The following LRFN5 variants were observed in gnomAD, a reference collection of about 807,000 sequenced individuals.
LRFN5 encodes the protein leucine-rich repeat and fibronectin type-III domain-containing protein 5.
A neutral mutation model predicts 45.6 loss-of-function variants in LRFN5; 24 were observed. The observed-to-expected ratio is 0.53, with a 90% confidence interval of 0.38 to 0.74. The LOEUF is 0.74. Ranked by LOEUF, LRFN5 falls within the 30% of genes least tolerant of loss-of-function variation. The pLI is 0.00. For missense variants in LRFN5, 776 were observed against 861.5 expected (o/e 0.90, Z 1.24); for synonymous variants, 340 against 313.8 (o/e 1.08, Z -0.88).
chr14:41,704,448 C>CTCTCTCTG (rs200253065), intron 1 of LRFN5, among the ~76,000 whole-genome samples: 1 of 124,240 alleles, frequency 8.0e-6, no homozygotes, highest in African/African-American at 3.9e-5. Context: ...CTCTCTCTCT[C>CTCTCTCTG]TGTGTGTGTG....
At chr14:41,775,345 T>C (rs1886250202) in intron 2 of LRFN5, among the ~76,000 whole-genome samples, 2 of 152,070 alleles carry the variant, frequency 1.3e-5, no homozygotes, top group South Asian at 2.1e-4. Context: ...CACCTCCGCC[T>C]TCCAAAGTGC....
chr14:41,636,576 G>T (rs1847345547), intron 1 of LRFN5, among the ~76,000 whole-genome samples: 1 of 151,576 alleles, frequency 6.6e-6, no homozygotes, highest in South Asian at 2.1e-4. Context: ...TAACAAACCT[G>T]CAGGTTGCGC....
chr14:41,684,579 G>A (rs1028867823), intron 1 of LRFN5, among the ~76,000 whole-genome samples: 2 of 152,054 alleles, frequency 1.3e-5, no homozygotes, highest in African/African-American at 4.8e-5. Context: ...TAACATGTGG[G>A]GATTATGGGG....
At chr14:41,836,134 G>A (rs530535115) in intron 2 of LRFN5, among the ~76,000 whole-genome samples, 28 of 152,254 alleles carry the variant, frequency 1.8e-4, no homozygotes, top group South Asian at 1.4e-3. Flanking sequence ...TTGGGGGAAA[G>A]AGGAATAGTG....
At chr14:41,629,700 C>G (rs983424245) in intron 1 of LRFN5, among the ~76,000 whole-genome samples, 2 of 152,156 alleles carry the variant, frequency 1.3e-5, no homozygotes, top group Non-Finnish European at 2.9e-5. Flanking sequence ...TTTCCAAAAT[C>G]TCCTTTGGAA....
At chr14:41,677,854 T>C (rs948976024) in intron 1 of LRFN5, among the ~76,000 whole-genome samples, 2 of 152,076 alleles carry the variant, frequency 1.3e-5, no homozygotes, top group Non-Finnish European at 2.9e-5. Flanking sequence ...CACATTTGAT[T>C]TTTAAAAAAT....
chr14:41,899,193 A>G (rs907612539), intron 5 of LRFN5, among the ~76,000 whole-genome samples: 6 of 152,108 alleles, frequency 3.9e-5, no homozygotes. Flanking sequence ...TTGTCCTGTA[A>G]GAAATGAAGT....
At chr14:41,748,751 A>G (rs1282456305) in intron 1 of LRFN5, among the ~76,000 whole-genome samples, 3 of 152,108 alleles carry the variant, frequency 2.0e-5, no homozygotes, top group African/African-American at 4.8e-5. Flanking sequence ...CCAGATGCGT[A>G]TGGGCTTTTA....
At chr14:41,734,796 A>G (rs1177294807) in intron 1 of LRFN5, among the ~76,000 whole-genome samples, 1 of 151,232 alleles carries the variant, frequency 6.6e-6, no homozygotes, top group Non-Finnish European at 1.5e-5. Flanking sequence ...GCTTTGAATT[A>G]TTTCATTTAT....
intron 1 of LRFN5, among the ~76,000 whole-genome samples, chr14:41,663,708 G>A (rs987729769): frequency 6.6e-6 from 1 of 151,908 alleles, no homozygotes; most frequent in Non-Finnish European, 1.5e-5. Context: ...CGATAACCTA[G>A]TGATGATTTG....
intron 1 of LRFN5, among the ~76,000 whole-genome samples, chr14:41,726,733 A>G (rs1883952304): frequency 6.6e-6 from 1 of 152,156 alleles, no homozygotes; most frequent in Admixed American, 6.6e-5. Flanking sequence ...ATTATTCATT[A>G]TAGTTAAACT....
intron 2 of LRFN5, among the ~76,000 whole-genome samples, chr14:41,776,624 A>C (rs905414055): frequency 2.6e-5 from 4 of 152,092 alleles, no homozygotes; most frequent in Non-Finnish European, 4.4e-5. Flanking sequence ...CCTTTTTACA[A>C]AGAGGAATTT....
At chr14:41,751,126 G>T (rs1163770125) in intron 1 of LRFN5, among the ~76,000 whole-genome samples, 1 of 152,056 alleles carries the variant, frequency 6.6e-6, no homozygotes, top group Non-Finnish European at 1.5e-5. Context: ...GAAGAGCACA[G>T]GGGAAACTGC....
At chr14:41,739,480 C>A (rs867639131) in intron 1 of LRFN5, among the ~76,000 whole-genome samples, 11 of 148,060 alleles carry the variant, frequency 7.4e-5, no homozygotes, top group Admixed American at 5.5e-4. Flanking sequence ...ACACATAGGA[C>A]AAAGGATAAA....
At chr14:41,775,163 T>C (rs1886240092) in intron 2 of LRFN5, among the ~76,000 whole-genome samples, 1 of 145,388 alleles carries the variant, frequency 6.9e-6, no homozygotes, top group South Asian at 2.2e-4. Context: ...CGATCTCGGC[T>C]CAATGCAAGC....
chr14:41,706,146 G>A (rs1198263118), intron 1 of LRFN5, among the ~76,000 whole-genome samples: 1 of 151,888 alleles, frequency 6.6e-6, no homozygotes, highest in Non-Finnish European at 1.5e-5. Context: ...TGTTGCCCAG[G>A]CTGGAGTGCA....
chr14:41,629,958 CCTT>C (rs1248264619), intron 1 of LRFN5, among the ~76,000 whole-genome samples: 2 of 151,974 alleles, frequency 1.3e-5, no homozygotes, highest in African/African-American at 4.8e-5. Flanking sequence ...AATCATTTAT[CCTT>C]CTATTTACAT....
chr14:41,633,413 A>C (rs975839431), intron 1 of LRFN5, among the ~76,000 whole-genome samples: 3 of 152,100 alleles, frequency 2.0e-5, no homozygotes, highest in African/African-American at 7.2e-5. Flanking sequence ...ATATGCATTA[A>C]TTTCTTGTCA....
intron 2 of LRFN5, among the ~76,000 whole-genome samples, chr14:41,837,898 A>G (rs1888717377): frequency 6.6e-6 from 1 of 152,214 alleles, no homozygotes; most frequent in Non-Finnish European, 1.5e-5. Flanking sequence ...AATTTTTCAC[A>G]AATATACTCA....
Sources: allele counts gnomAD v4.1 joint callset (sites outside exome capture counted in the v4.1 genomes callset), GRCh38; gene constraint gnomAD v4.1.1; transcripts MANE v1.5; gene names NCBI Gene and HGNC (gene_info 2026-07-23, HGNC 2026-07-21).